ZDHHC21: variants seen among roughly 807,000 people sequenced by gnomAD.
The protein encoded by ZDHHC21 is zDHHC palmitoyltransferase 21.
Under a neutral mutation model 34.6 loss-of-function variants are expected in ZDHHC21, and 15 were observed. That is an observed-to-expected ratio of 0.43 (90% confidence interval 0.29 to 0.67). The LOEUF is 0.67. Among genes scored for constraint, ZDHHC21 ranks in the 30% least tolerant of loss-of-function variants. The probability of loss-of-function intolerance (pLI) is 0.14; values close to 1 mark genes in which losing one functional copy is unlikely to be tolerated. For synonymous variants in ZDHHC21, 142 were observed against 101.8 expected (o/e 1.40, Z -2.38); for missense variants, 344 against 327.7 (o/e 1.05, Z -0.38).
chr9:14,623,015 C>T (rs1354739353), intron 8 of ZDHHC21, among the ~76,000 whole-genome samples: 2 of 151,964 alleles, frequency 1.3e-5, no homozygotes, highest in African/African-American at 4.8e-5. Context: ...TCTATACACA[C>T]AATCTACTCA....
intron 7 of ZDHHC21, among the ~76,000 whole-genome samples, chr9:14,647,926 C>G (rs1830550683): frequency 6.6e-6 from 1 of 152,092 alleles, no homozygotes; most frequent in African/African-American, 2.4e-5. Flanking sequence ...TCAGACCACC[C>G]CATTGAAATC....
chr9:14,664,822 G>A, intron 5 of ZDHHC21, among the ~76,000 whole-genome samples: 1 of 150,742 alleles, frequency 6.6e-6, no homozygotes, highest in East Asian at 2.0e-4. Flanking sequence ...AAACAGAAAG[G>A]ACATCCACAC....
intron 3 of ZDHHC21, among the ~76,000 whole-genome samples, chr9:14,676,218 G>C (rs1686745806): frequency 6.6e-6 from 1 of 152,004 alleles, no homozygotes; most frequent in Admixed American, 6.6e-5. Flanking sequence ...GCAACTGCTA[G>C]AATCGAACCA....
At chr9:14,693,080 G>C (rs963914751) in intron 1 of ZDHHC21, 149 bp downstream of exon 1, 2 of 199,116 alleles carry the variant, frequency 1.0e-5, no homozygotes, top group African/African-American at 4.8e-5. Context: ...GCAGGTGCAG[G>C]GGGCGTGCAG....
At chr9:14,660,841 T>A (rs1013971153) in intron 6 of ZDHHC21, among the ~76,000 whole-genome samples, 1 of 152,178 alleles carries the variant, frequency 6.6e-6, no homozygotes, top group Non-Finnish European at 1.5e-5. Context: ...CAATATCCAC[T>A]TCCATCATGA....
rs149159451 is a variant in ZDHHC21 at position 14,690,827 on chromosome 9, C to T, written c.-224-442G>A. 9.0e-3 allele frequency among the ~76,000 whole-genome samples: 1,372 copies of T among 152,220 alleles called. 23 individuals are homozygous for T. Among genetic ancestry groups the T allele is most frequent in the African/African-American group, 0.032 (1,316 of 41,532 alleles). On this transcript the variant is annotated intron_variant, in intron 1 of 9. Coordinates refer to ENST00000380916, the MANE Select transcript of ZDHHC21 (RefSeq NM_178566.6). ...AACAAATCACTTTCAACAATAAAAA[C>T]TGTTTTACAATTTCACCTGTATTTT...
chr9:14,671,418 A>T (rs995762393), intron 5 of ZDHHC21, among the ~76,000 whole-genome samples: 2 of 152,126 alleles, frequency 1.3e-5, no homozygotes, highest in African/African-American at 2.4e-5. Flanking sequence ...GAGATTCCCT[A>T]ACAAGAATCA....
the ZDHHC21 span, among the ~76,000 whole-genome samples, chr9:14,602,857 A>C: frequency 2.9e-5 from 4 of 137,502 alleles, no homozygotes; most frequent in East Asian, 6.9e-4. Flanking sequence ...CAGGTGTTCG[A>C]GGTTACAGTG....
At chr9:14,660,378 A>AG (rs1422385443) in intron 6 of ZDHHC21, among the ~76,000 whole-genome samples, 1 of 143,226 alleles carries the variant, frequency 7.0e-6, no homozygotes, top group Non-Finnish European at 1.6e-5. Flanking sequence ...ATCTCAAAAA[A>AG]AAAAAAAAAA....
rs1209840206 is a variant in ZDHHC21 at position 14,662,292 on chromosome 9, A to G, written c.288T>C (p.Asn96=). The G allele has an allele frequency of 6.2e-7, 1 of 1,611,864 alleles. No individual in the cohort carries two copies. Among genetic ancestry groups the G allele is most frequent in the Non-Finnish European group, 8.5e-7 (1 of 1,179,244 alleles). ...GATGGGAACGCTTTGGTCTCATCAA[A>G]TTACACTTGTTACATAATTCCCAGA... The part of the protein sequence containing the change: ...REFWELCNKC[N]LMRPKRSHHC... The change falls in exon 6 of 10, where the codon AAT becomes AAC. Residue 96 remains asparagine, a synonymous_variant. Coordinates refer to ENST00000380916, the MANE Select transcript of ZDHHC21 (RefSeq NM_178566.6).
chr9:14,597,176 A>G, the ZDHHC21 span, among the ~76,000 whole-genome samples: 1 of 152,002 alleles, frequency 6.6e-6, no homozygotes, highest in Non-Finnish European at 1.5e-5. Flanking sequence ...CCGAGACCCA[A>G]GCAACTATAG....
chr9:14,636,442 C>G (rs943128156), intron 8 of ZDHHC21, among the ~76,000 whole-genome samples: 2 of 152,132 alleles, frequency 1.3e-5, no homozygotes, highest in African/African-American at 2.4e-5. Flanking sequence ...GAAAGATAGA[C>G]TCTAATACAG....
chr9:14,644,506 G>T (rs796536129), intron 7 of ZDHHC21, among the ~76,000 whole-genome samples: 5 of 148,542 alleles, frequency 3.4e-5, no homozygotes, highest in African/African-American at 1.2e-4. Context: ...GATTTTGTGT[G>T]TTTTTTTTTT....
intron 7 of ZDHHC21, among the ~76,000 whole-genome samples, chr9:14,648,700 G>A (rs564024570): frequency 6.6e-6 from 1 of 152,038 alleles, no homozygotes; most frequent in Admixed American, 6.6e-5. Flanking sequence ...CTTAAACACA[G>A]GAACTTTGTT....
intron 2 of ZDHHC21, among the ~76,000 whole-genome samples, chr9:14,686,620 G>C (rs1838361922): frequency 6.6e-6 from 1 of 152,090 alleles, no homozygotes; most frequent in Admixed American, 6.5e-5. Context: ...AACTTTTTAA[G>C]CTAATTTAAA....
intron 7 of ZDHHC21, among the ~76,000 whole-genome samples, chr9:14,649,338 A>AAAATAAAT (rs1382578174): frequency 6.6e-6 from 1 of 152,146 alleles, no homozygotes; most frequent in Non-Finnish European, 1.5e-5. Context: ...TTGAATTTTC[A>AAAATAAAT]AAATAACTAA....
chr9:14,608,721 G>C (rs958401659), downstream of ZDHHC21, among the ~76,000 whole-genome samples: 1 of 151,856 alleles, frequency 6.6e-6, no homozygotes, highest in African/African-American at 2.4e-5. Context: ...TGCTCAGCTG[G>C]ATGTCTACAG....
chr9:14,642,507 T>C (rs1564267640), intron 7 of ZDHHC21, among the ~76,000 whole-genome samples: 1 of 152,176 alleles, frequency 6.6e-6, no homozygotes, highest in Non-Finnish European at 1.5e-5. Context: ...TACCTTAGAA[T>C]ATGACTGTAG....
chr9:14,626,490 T>C lies in ZDHHC21; in HGVS notation c.622-6808A>G, dbSNP rs948571309. 7.9e-5 allele frequency among the ~76,000 whole-genome samples: 12 copies of C among 152,078 alleles called. No individual in the cohort carries two copies. In the East Asian group the frequency reaches 1.3e-3, roughly 17 times the overall value. Reference sequence around the variant, plus strand: ...CATATAAATAAATTATAGAAAAAGATTTCTTTTTAATTAGTTTTATCAAAA... The same window carrying C: ...CATATAAATAAATTATAGAAAAAGACTTCTTTTTAATTAGTTTTATCAAAA... On this transcript the variant is annotated intron_variant, in intron 8 of 9. Coordinates refer to ENST00000380916, the MANE Select transcript of ZDHHC21 (RefSeq NM_178566.6).
Sources: allele counts gnomAD v4.1 joint callset (sites outside exome capture counted in the v4.1 genomes callset), GRCh38; gene constraint gnomAD v4.1.1; transcripts MANE v1.5; gene names NCBI Gene and HGNC (gene_info 2026-07-23, HGNC 2026-07-21).